PTPRG: variants seen among roughly 807,000 people sequenced by gnomAD.
The protein encoded by PTPRG is receptor-type tyrosine-protein phosphatase gamma.
A neutral mutation model predicts 165.3 loss-of-function variants in PTPRG; 102 were observed. The ratio of observed to expected loss-of-function variants is 0.62; its 90% CI spans 0.53 to 0.73. The LOEUF (loss-of-function observed/expected upper bound fraction) is 0.73. Among genes scored for constraint, PTPRG ranks in the 30% least tolerant of loss-of-function variants. PTPRG has a pLI of 0.00. For missense variants in PTPRG, 1,866 were observed against 1,861.4 expected (o/e 1.00, Z -0.05); for synonymous variants, 675 against 669.5 (o/e 1.01, Z -0.13).
At chr3:61,632,693 C>T (rs1701801613) in intron 1 of PTPRG, among the ~76,000 whole-genome samples, 1 of 152,138 alleles carries the variant, frequency 6.6e-6, no homozygotes, top group Non-Finnish European at 1.5e-5. Flanking sequence ...GGCAACATAC[C>T]AAGGGCCACC....
chr3:61,751,256 C>G (rs1223687682), intron 2 of PTPRG, among the ~76,000 whole-genome samples: 5 of 152,140 alleles, frequency 3.3e-5, no homozygotes, highest in Admixed American at 3.3e-4. Flanking sequence ...GGGCCTGTTA[C>G]TTTGGGTACA....
At chr3:62,160,864 ATTT>A (rs5849464) in intron 7 of PTPRG, among the ~76,000 whole-genome samples, 2 of 103,978 alleles carry the variant, frequency 1.9e-5, no homozygotes, top group South Asian at 3.6e-4. Context: ...TAGATGTGTG[ATTT>A]TTTTTTTTTT....
At chr3:62,104,104 C>T (rs954836959) in intron 5 of PTPRG, among the ~76,000 whole-genome samples, 8 of 152,204 alleles carry the variant, frequency 5.3e-5, no homozygotes, top group African/African-American at 1.9e-4. Context: ...GGAGGGAGCT[C>T]TACTTGCTTT....
At chr3:61,620,131 A>AT (rs1006929574) in intron 1 of PTPRG, among the ~76,000 whole-genome samples, 24 of 150,148 alleles carry the variant, frequency 1.6e-4, no homozygotes, top group South Asian at 2.1e-4. Flanking sequence ...GGCACTTCTG[A>AT]TTTTTTTTTT....
At chr3:61,650,296 G>C (rs983508757) in intron 1 of PTPRG, among the ~76,000 whole-genome samples, 1 of 152,190 alleles carries the variant, frequency 6.6e-6, no homozygotes, top group Admixed American at 6.5e-5. Flanking sequence ...GAATGCCAGC[G>C]AGGTATTACA....
intron 2 of PTPRG, among the ~76,000 whole-genome samples, chr3:61,919,242 C>T (rs992288848): frequency 5.3e-5 from 8 of 152,098 alleles, no homozygotes; most frequent in Non-Finnish European, 5.9e-5. Flanking sequence ...TTCGGTGCTG[C>T]GTTGAGGTTG....
intron 2 of PTPRG, among the ~76,000 whole-genome samples, chr3:61,903,853 T>A (rs1173213332): frequency 1.3e-5 from 2 of 152,214 alleles, no homozygotes; most frequent in Non-Finnish European, 2.9e-5. Context: ...ACTTAATTAT[T>A]TTTATATTTT....
At chr3:61,774,106 T>TA (rs1358845174) in intron 2 of PTPRG, among the ~76,000 whole-genome samples, 1 of 151,910 alleles carries the variant, frequency 6.6e-6, no homozygotes, top group Non-Finnish European at 1.5e-5. Flanking sequence ...GCTTAGAGAG[T>TA]ATCTAAGAGA....
At chr3:61,765,667 G>T (rs1575645955) in intron 2 of PTPRG, among the ~76,000 whole-genome samples, 1 of 152,132 alleles carries the variant, frequency 6.6e-6, no homozygotes, top group East Asian at 1.9e-4. Flanking sequence ...GTGATTGACA[G>T]GCTACCGTGA....
intron 3 of PTPRG, among the ~76,000 whole-genome samples, chr3:61,995,118 T>C (rs1292414623): frequency 1.4e-5 from 2 of 146,148 alleles, no homozygotes; most frequent in Admixed American, 6.8e-5. Flanking sequence ...AGACAGAGTC[T>C]TGCTATGTTG....
chr3:61,857,186 A>G (rs1283746696), intron 2 of PTPRG, among the ~76,000 whole-genome samples: 3 of 151,998 alleles, frequency 2.0e-5, no homozygotes. Context: ...GAAATCTCAT[A>G]TTGTAAAATC....
intron 5 of PTPRG, among the ~76,000 whole-genome samples, chr3:62,078,632 T>G (rs979296673): frequency 2.6e-5 from 4 of 152,184 alleles, no homozygotes; most frequent in Non-Finnish European, 5.9e-5. Context: ...TGCAAGTAAG[T>G]TAATAAATAG....
chr3:62,286,341 C>T lies in PTPRG; in HGVS notation c.4055+3472C>T, dbSNP rs1429827700. On this transcript the variant is annotated intron_variant, in intron 28 of 29. Transcript: ENST00000474889. ...ATTCCAGCTTCAATTTTTTTGTTTT[C>T]CTTTCTGCCCTACTGATTTCAAAAG... 3.3e-5 allele frequency among the ~76,000 whole-genome samples: 5 copies of T among 152,114 alleles called. No homozygotes were observed. The East Asian group carries it at 7.7e-4, about 23-fold the overall frequency.
intron 1 of PTPRG, among the ~76,000 whole-genome samples, chr3:61,707,406 A>G (rs920904965): frequency 6.6e-6 from 1 of 152,212 alleles, no homozygotes; most frequent in Non-Finnish European, 1.5e-5. Flanking sequence ...CAGGAGAGCC[A>G]ATGGTGTAGA....
intron 2 of PTPRG, among the ~76,000 whole-genome samples, chr3:61,812,733 C>G (rs1444731093): frequency 6.6e-6 from 1 of 152,236 alleles, no homozygotes; most frequent in African/African-American, 2.4e-5. Flanking sequence ...AGATGTTCAC[C>G]CTCAGTCTCC....
intron 2 of PTPRG, among the ~76,000 whole-genome samples, chr3:61,846,031 C>A (rs566336145): frequency 6.6e-6 from 1 of 152,112 alleles, no homozygotes; most frequent in African/African-American, 2.4e-5. Context: ...GCGCTGTCAC[C>A]TTGAGCAAAG....
intron 2 of PTPRG, among the ~76,000 whole-genome samples, chr3:61,964,919 C>G (rs576798833): frequency 7.9e-5 from 12 of 152,110 alleles, no homozygotes; most frequent in African/African-American, 2.6e-4. Flanking sequence ...TAAAAAAAAT[C>G]CAATCAAAAT....
intron 5 of PTPRG, 47 bp downstream of exon 5, chr3:62,078,305 T>A (rs1701459005): frequency 7.3e-7 from 1 of 1,364,282 alleles, no homozygotes; most frequent in African/African-American, 1.5e-5. Context: ...TTTGAGTATT[T>A]TTTTTAATTT....
At chr3:61,903,600 C>G (rs541142963) in intron 2 of PTPRG, among the ~76,000 whole-genome samples, 1 of 152,146 alleles carries the variant, frequency 6.6e-6, no homozygotes, top group African/African-American at 2.4e-5. Flanking sequence ...TCTGGAACTC[C>G]TGACCTCAGG....
Sources: allele counts gnomAD v4.1 joint callset (sites outside exome capture counted in the v4.1 genomes callset), GRCh38; gene constraint gnomAD v4.1.1; transcripts MANE v1.5; gene names NCBI Gene and HGNC (gene_info 2026-07-23, HGNC 2026-07-21).